Variants in MSRA observed in about 807,000 individuals in gnomAD.
MSRA encodes mitochondrial peptide methionine sulfoxide reductase.
Under a neutral mutation model 31.3 loss-of-function variants are expected in MSRA, and 54 were observed. The observed-to-expected ratio is 1.73, with a 90% CI of 1.39 to 2.17. The LOEUF is 2.17. Ranked by LOEUF, MSRA falls within the 30% of genes most tolerant of loss-of-function variation. The pLI, the probability that MSRA is intolerant of heterozygous loss-of-function variation, is 0.00. For missense variants in MSRA, 507 were observed against 300.9 expected, an observed-to-expected ratio of 1.69 and a Z score of -5.07; for synonymous variants, 169 against 116.5, an observed-to-expected ratio of 1.45 and a Z score of -2.90.
intron 1 of MSRA, among the ~76,000 whole-genome samples, chr8:10,189,825 G>A (rs1807358773): frequency 6.6e-6 from 1 of 152,106 alleles, no homozygotes; most frequent in South Asian, 2.1e-4. Context: ...TCAGAGTAAT[G>A]TGGGTCTTAT....
chr8:10,069,366 A>G (rs1221795823), intron 1 of MSRA, among the ~76,000 whole-genome samples: 1 of 152,228 alleles, frequency 6.6e-6, no homozygotes, highest in Non-Finnish European at 1.5e-5. Context: ...TCTAGTTTCT[A>G]CTTTTAGGTA....
chr8:10,209,550 AT>A (rs1432541229), intron 2 of MSRA, among the ~76,000 whole-genome samples: 6 of 151,876 alleles, frequency 4.0e-5, no homozygotes, highest in Non-Finnish European at 7.4e-5. Context: ...ATTTTATTTT[AT>A]TTTATTTTGC....
chr8:10,315,064 G>T (rs922281678), intron 4 of MSRA, among the ~76,000 whole-genome samples: 1 of 152,176 alleles, frequency 6.6e-6, no homozygotes, highest in Non-Finnish European at 1.5e-5. Context: ...CAGCAGGCAA[G>T]AGAGTGTGTG....
intron 3 of MSRA, among the ~76,000 whole-genome samples, chr8:10,268,507 A>T (rs1798862726): frequency 6.6e-6 from 1 of 152,176 alleles, no homozygotes. Flanking sequence ...CTCTTTTCTG[A>T]CACTAATGAT....
intron 1 of MSRA, among the ~76,000 whole-genome samples, chr8:10,121,414 T>C (rs1261980656): frequency 1.3e-5 from 2 of 152,170 alleles, no homozygotes; most frequent in Non-Finnish European, 2.9e-5. Flanking sequence ...TGTGCGACTT[T>C]CTTTTGCAGT....
intron 4 of MSRA, among the ~76,000 whole-genome samples, chr8:10,307,314 A>T (rs1338116712): frequency 6.6e-6 from 1 of 151,980 alleles, no homozygotes; most frequent in Non-Finnish European, 1.5e-5. Flanking sequence ...TGACAGGTGC[A>T]CGCCACCATG....
At chr8:10,414,028 G>A (rs1563454136) in intron 5 of MSRA, among the ~76,000 whole-genome samples, 1 of 152,164 alleles carries the variant, frequency 6.6e-6, no homozygotes, top group African/African-American at 2.4e-5. Context: ...CTAGCCAGGT[G>A]TGGTGGTGTG....
chr8:10,158,702 G>T (rs1804384477), intron 1 of MSRA, among the ~76,000 whole-genome samples: 1 of 152,020 alleles, frequency 6.6e-6, no homozygotes, highest in South Asian at 2.1e-4. Flanking sequence ...TTTGTGTACA[G>T]TTTTTTTTGT....
intron 5 of MSRA, among the ~76,000 whole-genome samples, chr8:10,344,305 C>T (rs1374742569): frequency 6.6e-6 from 1 of 152,110 alleles, no homozygotes; most frequent in East Asian, 1.9e-4. Context: ...GGCTGAATCC[C>T]TCCACCATCA....
At chr8:10,376,298 A>T (rs983950105) in intron 5 of MSRA, among the ~76,000 whole-genome samples, 1 of 152,238 alleles carries the variant, frequency 6.6e-6, no homozygotes, top group African/African-American at 2.4e-5. Flanking sequence ...TCTACAATGC[A>T]GCCAGGAACA....
intron 2 of MSRA, among the ~76,000 whole-genome samples, chr8:10,211,764 C>G (rs1421305109): frequency 6.6e-6 from 1 of 152,120 alleles, no homozygotes; most frequent in Non-Finnish European, 1.5e-5. Flanking sequence ...AAGGTTCTCT[C>G]TGGCCGTCAA....
intron 1 of MSRA, among the ~76,000 whole-genome samples, chr8:10,171,592 C>G (rs141738836): frequency 1.3e-5 from 2 of 152,170 alleles, no homozygotes; most frequent in African/African-American, 4.8e-5. Context: ...CCCTCAGTGA[C>G]CAAGTTGCTG....
At chr8:10,080,368 T>C (rs186421772) in intron 1 of MSRA, among the ~76,000 whole-genome samples, 63 of 151,902 alleles carry the variant, frequency 4.1e-4, no homozygotes, top group African/African-American at 1.5e-3. Flanking sequence ...CTGTTTTCAC[T>C]ATCTGAATAT....
At chr8:10,209,919 G>T (rs1224025114) in intron 2 of MSRA, among the ~76,000 whole-genome samples, 1 of 152,228 alleles carries the variant, frequency 6.6e-6, no homozygotes, top group Non-Finnish European at 1.5e-5. Context: ...TGACATCTAA[G>T]AATTCTTACT....
rs549595735 is a variant in MSRA, at chr8:10,245,849, C to T, written c.331+626C>T. Among the ~76,000 whole-genome samples, 17 of 152,312 alleles carry T rather than the reference C, an allele frequency of 1.1e-4. No homozygotes were observed. The East Asian group carries it at 3.3e-3, about 29-fold the overall frequency. Reference sequence around the variant, plus strand: ...GTCATATGCGCTAGCTAGACCAGAGCCAATATGGGATGGCTCCCCAAAGGC... The same window carrying T: ...GTCATATGCGCTAGCTAGACCAGAGTCAATATGGGATGGCTCCCCAAAGGC... On this transcript the variant is annotated intron_variant, in intron 3 of 5. Transcript: ENST00000317173.
chr8:10,165,366 A>G (rs911953731), intron 1 of MSRA, among the ~76,000 whole-genome samples: 2 of 152,226 alleles, frequency 1.3e-5, no homozygotes, highest in African/African-American at 2.4e-5. Context: ...AAACAAACAA[A>G]CAAACAAACA....
At chr8:10,206,313 A>G (rs1808971001) in intron 1 of MSRA, among the ~76,000 whole-genome samples, 1 of 152,154 alleles carries the variant, frequency 6.6e-6, no homozygotes, top group Non-Finnish European at 1.5e-5. Context: ...CACATCTGCT[A>G]ATTGTGCCAG....
chr8:10,420,306 T>G lies in MSRA; in HGVS notation c.544-7842T>G, dbSNP rs544295986. 2.0e-3 allele frequency among the ~76,000 whole-genome samples: 299 copies of G among 151,508 alleles called. 6 individuals carry two copies. The South Asian group carries it at 0.04, about 20-fold the overall frequency. On this transcript the variant is annotated intron_variant, in intron 5 of 5. Coordinates refer to ENST00000317173, the MANE Select transcript of MSRA (RefSeq NM_012331.5). ...GGGGAACAGGGAAGTTTTTTTGTTTTTTTTTTTTTCCTATTTGTATTTTTA... is the reference window on the plus strand; with the variant it reads ...GGGGAACAGGGAAGTTTTTTTGTTTGTTTTTTTTTCCTATTTGTATTTTTA...
intron 1 of MSRA, among the ~76,000 whole-genome samples, chr8:10,182,338 T>C (rs1418680351): frequency 6.6e-6 from 1 of 152,194 alleles, no homozygotes; most frequent in African/African-American, 2.4e-5. Flanking sequence ...GAATGATGCA[T>C]CACATAAACC....
Sources: gnomAD v4.1 joint callset for allele counts (sites outside exome capture counted in the v4.1 genomes callset) on GRCh38, gnomAD v4.1.1 for gene constraint, MANE v1.5 for transcripts, NCBI Gene and HGNC (gene_info 2026-07-23, HGNC 2026-07-21) for gene names.